Variants in TENM1 observed in about 807,000 individuals in gnomAD.
The protein encoded by TENM1 is teneurin-1.
Under a neutral mutation model 174.8 loss-of-function variants are expected in TENM1, and 35 were observed. That is an observed-to-expected ratio of 0.20 (90% CI 0.15 to 0.27). The LOEUF (loss-of-function observed/expected upper bound fraction) is 0.27, where lower values mean the gene tolerates loss of function less well. TENM1 is among the 10% of genes least tolerant of loss of function. The probability of loss-of-function intolerance (pLI) is 1.00; values close to 1 mark genes in which losing one functional copy is unlikely to be tolerated. For synonymous variants in TENM1, 781 were observed against 798.7 expected (o/e 0.98, Z 0.37); for missense variants, 1,633 against 2,130.1 (o/e 0.77, Z 4.59).
At chrX:125,088,847 A>G in the TENM1 span, among the ~76,000 whole-genome samples, 1 of 111,360 alleles carries the variant, frequency 9.0e-6, no homozygotes, top group Non-Finnish European at 1.9e-5. Flanking sequence ...AAATTTATAC[A>G]AATTTTGAAA....
chrX:124,503,056 G>GA (rs1443236717), intron 19 of TENM1, among the ~76,000 whole-genome samples: 2 of 111,469 alleles, frequency 1.8e-5, no homozygotes, highest in African/African-American at 6.5e-5. Flanking sequence ...CCCAATTCTG[G>GA]AAAAATAACC....
exon 32 of TENM1, chrX:124,380,250 C>T (rs183787422): frequency 3.2e-5 from 8 of 249,275 alleles, no homozygotes; most frequent in Admixed American, 3.2e-4. Context: ...ATGCATGGCT[C>T]GGCAAATTGA....
intron 3 of TENM1, among the ~76,000 whole-genome samples, chrX:124,819,085 A>G (rs781488960): frequency 4.5e-5 from 5 of 112,174 alleles, no homozygotes; most frequent in South Asian, 7.4e-4. Flanking sequence ...TAAATTTCAT[A>G]TAATCCAACA....
At chrX:124,936,040 T>A (rs1192571418) in intron 1 of TENM1, among the ~76,000 whole-genome samples, 3 of 111,882 alleles carry the variant, frequency 2.7e-5, no homozygotes, top group South Asian at 7.5e-4. Flanking sequence ...GTATTCCCCA[T>A]CCATTATCCA....
At chrX:124,495,009 G>C (rs1199192174) in intron 20 of TENM1, among the ~76,000 whole-genome samples, 5 of 100,734 alleles carry the variant, frequency 5.0e-5, no homozygotes, top group Admixed American at 1.1e-4. Context: ...ATGATTTATA[G>C]TCCTTTGGGT....
At chrX:124,896,226 T>C in exon 2 of TENM1, 1 of 1,204,824 alleles carries the variant, frequency 8.3e-7, no homozygotes, top group South Asian at 1.8e-5. Context: ...GTGAGAGGTT[T>C]CACAGAATTC....
intron 3 of TENM1, among the ~76,000 whole-genome samples, chrX:124,862,408 T>C (rs773391485): frequency 8.9e-6 from 1 of 111,769 alleles, no homozygotes; most frequent in South Asian, 3.8e-4. Context: ...CCTCCCCCCA[T>C]TGCCCGTGGC....
At chrX:124,734,849 A>C (rs1053026402) in intron 4 of TENM1, among the ~76,000 whole-genome samples, 1 of 112,230 alleles carries the variant, frequency 8.9e-6, no homozygotes, top group South Asian at 3.6e-4. Context: ...CATTTTTTAC[A>C]TACAAATGTC....
At chrX:125,183,748 G>A in the TENM1 span, among the ~76,000 whole-genome samples, 11 of 111,685 alleles carry the variant, frequency 9.8e-5, no homozygotes, top group Non-Finnish European at 1.7e-4. Flanking sequence ...AGTGATAGTG[G>A]CATTAGAATA....
intron 15 of TENM1, among the ~76,000 whole-genome samples, chrX:124,531,687 G>C (rs1331387172): frequency 1.8e-5 from 2 of 111,988 alleles, no homozygotes; most frequent in African/African-American, 6.5e-5. Context: ...TGAGTGGCAT[G>C]CAAATGGCAT....
At chrX:124,410,460 A>G (rs1460143248) in intron 25 of TENM1, among the ~76,000 whole-genome samples, 4 of 111,960 alleles carry the variant, frequency 3.6e-5, no homozygotes, top group Non-Finnish European at 7.5e-5. Context: ...CATAGGCATG[A>G]GCAAGGACTT....
chrX:124,404,471 G>C (rs7056064), intron 27 of TENM1, among the ~76,000 whole-genome samples: 14,468 of 111,381 alleles, frequency 0.13, 751 homozygotes, highest in Middle Eastern at 0.22. Flanking sequence ...CCTCCAGGCA[G>C]CTCTGAGTAC....
chrX:124,594,848 T>A (rs2049851704), intron 11 of TENM1, among the ~76,000 whole-genome samples: 1 of 112,178 alleles, frequency 8.9e-6, no homozygotes, highest in African/African-American at 3.2e-5. Context: ...CTCCATTCAG[T>A]GAGGACTTCT....
intron 22 of TENM1, among the ~76,000 whole-genome samples, chrX:124,480,882 G>A (rs1488175099): frequency 9.0e-6 from 1 of 111,440 alleles, no homozygotes; most frequent in Non-Finnish European, 1.9e-5. Context: ...GAGAAGAGCA[G>A]TTAAATAATT....
chrX:125,028,676 C>A, the TENM1 span, among the ~76,000 whole-genome samples: 1 of 110,662 alleles, frequency 9.0e-6, no homozygotes, highest in African/African-American at 3.3e-5. Context: ...TTTGAACTTA[C>A]AATAAAAGTT....
At chrX:125,180,083 A>ATTG in the TENM1 span, among the ~76,000 whole-genome samples, 233 of 269 alleles carry the variant, frequency 0.87, 94 homozygotes, top group East Asian at 1. Flanking sequence ...TTTTTAAAAA[A>ATTG]AGAATTCCGG....
intron 3 of TENM1, among the ~76,000 whole-genome samples, chrX:124,783,030 G>GGAAAA (rs2054951193): frequency 9.0e-6 from 1 of 111,651 alleles, no homozygotes; most frequent in African/African-American, 3.2e-5. Context: ...TGAAGGAGAA[G>GGAAAA]GAAAAGAAAA....
the TENM1 span, among the ~76,000 whole-genome samples, chrX:125,094,505 G>A: frequency 1.8e-5 from 2 of 111,977 alleles, no homozygotes; most frequent in Non-Finnish European, 3.8e-5. Context: ...AAATTCAGGC[G>A]AGTTAAGTAT....
chrX:124,914,892 T>C (rs966564275), intron 1 of TENM1, among the ~76,000 whole-genome samples: 4 of 111,637 alleles, frequency 3.6e-5, no homozygotes, highest in Non-Finnish European at 7.5e-5. Context: ...AATATCAAAA[T>C]CTTTAACATG....
Sources: gnomAD v4.1 joint callset for allele counts (sites outside exome capture counted in the v4.1 genomes callset) on GRCh38, gnomAD v4.1.1 for gene constraint, MANE v1.5 for transcripts, NCBI Gene and HGNC (gene_info 2026-07-23, HGNC 2026-07-21) for gene names.